Variants in CIMIP7 observed in about 807,000 individuals in gnomAD.
The protein encoded by CIMIP7 is uncharacterized protein C3orf84.
the CIMIP7 span, among the ~76,000 whole-genome samples, chr3:49,187,124 G>A: frequency 5.3e-5 from 8 of 152,162 alleles, no homozygotes; most frequent in East Asian, 1.9e-4. Flanking sequence ...ATTTATTGAC[G>A]CCCAATGAGT....
the CIMIP7 span, among the ~76,000 whole-genome samples, chr3:49,183,158 G>A: frequency 2.6e-5 from 4 of 152,194 alleles, no homozygotes; most frequent in Non-Finnish European, 2.9e-5. Context: ...TGTGAGGGCT[G>A]CCAGCACGCT....
chr3:49,183,156 C>T, the CIMIP7 span, among the ~76,000 whole-genome samples: 1 of 152,312 alleles, frequency 6.6e-6, no homozygotes, highest in Admixed American at 6.5e-5. Flanking sequence ...GCTGTGAGGG[C>T]TGCCAGCACG....
At chr3:49,182,696 T>C in the CIMIP7 span, among the ~76,000 whole-genome samples, 4 of 152,142 alleles carry the variant, frequency 2.6e-5, no homozygotes, top group African/African-American at 9.7e-5. Flanking sequence ...TCAATGGGAC[T>C]GGATGCCATG....
the CIMIP7 span, among the ~76,000 whole-genome samples, chr3:49,186,751 C>A: frequency 6.6e-6 from 1 of 152,142 alleles, no homozygotes; most frequent in Non-Finnish European, 1.5e-5. Flanking sequence ...CACACGCACG[C>A]ACGCACGCAC....
the CIMIP7 span, among the ~76,000 whole-genome samples, chr3:49,187,041 C>G: frequency 2.0e-5 from 3 of 152,136 alleles, no homozygotes; most frequent in Non-Finnish European, 2.9e-5. Flanking sequence ...TACACTTAGC[C>G]CTAGAATGTA....
the CIMIP7 span, chr3:49,189,794 T>C: frequency 4.4e-6 from 3 of 681,594 alleles, no homozygotes; most frequent in Non-Finnish European, 8.4e-6. Flanking sequence ...GGCTAGGCCC[T>C]TACCCTTTGT....
the CIMIP7 span, among the ~76,000 whole-genome samples, chr3:49,183,309 A>G: frequency 6.6e-6 from 1 of 152,268 alleles, no homozygotes. Context: ...ATGCAGAGAA[A>G]CCAGATCATT....
At chr3:49,177,710 G>A in the CIMIP7 span, 31 of 1,610,424 alleles carry the variant, frequency 1.9e-5, no homozygotes, top group African/African-American at 4.1e-4. Flanking sequence ...TGCTGCAGCA[G>A]CTTGGGTCTT....
chr3:49,189,236 T>C, the CIMIP7 span, among the ~76,000 whole-genome samples: 1 of 152,064 alleles, frequency 6.6e-6, no homozygotes, highest in African/African-American at 2.4e-5. Context: ...CCCAAAGTTC[T>C]GGGATTACAG....
At chr3:49,179,492 T>C in the CIMIP7 span, among the ~76,000 whole-genome samples, 1 of 152,150 alleles carries the variant, frequency 6.6e-6, no homozygotes, top group Non-Finnish European at 1.5e-5. Flanking sequence ...ATGATATTGG[T>C]CCTTCTGTTA....
chr3:49,183,451 G>T, the CIMIP7 span, among the ~76,000 whole-genome samples: 1 of 152,234 alleles, frequency 6.6e-6, no homozygotes, highest in African/African-American at 2.4e-5. Flanking sequence ...GTAGGCTGAG[G>T]TGGGTGGATA....
chr3:49,185,016 C>A, the CIMIP7 span, among the ~76,000 whole-genome samples: 8 of 151,582 alleles, frequency 5.3e-5, no homozygotes, highest in Non-Finnish European at 1.2e-4. Flanking sequence ...AGGCCTGTAA[C>A]TTTGGGGGGC....
the CIMIP7 span, among the ~76,000 whole-genome samples, chr3:49,187,849 A>G: frequency 6.6e-6 from 1 of 152,220 alleles, no homozygotes; most frequent in East Asian, 1.9e-4. Flanking sequence ...GTGAGATTTG[A>G]CATTTATATA....
chr3:49,187,938 A>G, the CIMIP7 span, among the ~76,000 whole-genome samples: 1 of 152,232 alleles, frequency 6.6e-6, no homozygotes, highest in Non-Finnish European at 1.5e-5. Context: ...AAGTCCTTAC[A>G]TTGATCAGCA....
chr3:49,179,563 C>T, the CIMIP7 span, among the ~76,000 whole-genome samples: 3 of 152,190 alleles, frequency 2.0e-5, no homozygotes, highest in Non-Finnish European at 2.9e-5. Flanking sequence ...CCACTTAGGG[C>T]TTTGCACCAC....
the CIMIP7 span, among the ~76,000 whole-genome samples, chr3:49,186,742 A>ACACGCACG: frequency 1.3e-5 from 2 of 151,992 alleles, no homozygotes; most frequent in Non-Finnish European, 2.9e-5. Context: ...TAATACACAC[A>ACACGCACG]CACGCACGCA....
chr3:49,185,999 C>CTTT, the CIMIP7 span, among the ~76,000 whole-genome samples: 1 of 129,260 alleles, frequency 7.7e-6, no homozygotes, highest in Non-Finnish European at 1.7e-5. Flanking sequence ...TTTTATAGCT[C>CTTT]TTTTTTTTTT....
chr3:49,183,248 T>C, the CIMIP7 span, among the ~76,000 whole-genome samples: 34 of 152,312 alleles, frequency 2.2e-4, no homozygotes, highest in African/African-American at 8.2e-4. Context: ...ACTACACATC[T>C]ATCAGAATGG....
At chr3:49,180,479 G>A in the CIMIP7 span, among the ~76,000 whole-genome samples, 1 of 152,146 alleles carries the variant, frequency 6.6e-6, no homozygotes, top group African/African-American at 2.4e-5. Context: ...AGTTTCTCCT[G>A]CTGTAGACCT....
Sources: allele counts gnomAD v4.1 joint callset (sites outside exome capture counted in the v4.1 genomes callset), GRCh38; gene constraint gnomAD v4.1.1; transcripts MANE v1.5; gene names NCBI Gene and HGNC (gene_info 2026-07-23, HGNC 2026-07-21).